SMOC2: variants seen among roughly 807,000 people sequenced by gnomAD.
SMOC2 encodes the protein SPARC related modular calcium binding 2, also known as SPARC-related modular calcium-binding protein 2.
A neutral mutation model predicts 61.4 loss-of-function variants in SMOC2; 39 were observed. That is an observed-to-expected ratio of 0.64 (90% CI 0.49 to 0.83). The LOEUF (loss-of-function observed/expected upper bound fraction) is 0.83. Among genes scored for constraint, SMOC2 ranks in the 40% least tolerant of loss-of-function variants. The pLI, the probability that SMOC2 is intolerant of heterozygous loss-of-function variation, is 0.00. For synonymous variants in SMOC2, 247 were observed against 239.9 expected (o/e 1.03, Z -0.27); for missense variants, 556 against 592.9 (o/e 0.94, Z 0.65).
At chr6:168,493,631 G>A (rs1467381053) in intron 1 of SMOC2, among the ~76,000 whole-genome samples, 1 of 152,238 alleles carries the variant, frequency 6.6e-6, no homozygotes, top group African/African-American at 2.4e-5. Context: ...TAATAGTATT[G>A]CAACTTAAAA....
chr6:168,543,718 C>G (rs1192370432), intron 5 of SMOC2, 46 bp downstream of exon 5: 2 of 1,542,240 alleles, frequency 1.3e-6, no homozygotes. Flanking sequence ...TAACATCTAA[C>G]TTATCCCGTG....
At chr6:168,463,204 T>C (rs1261533486) in intron 1 of SMOC2, among the ~76,000 whole-genome samples, 3 of 152,194 alleles carry the variant, frequency 2.0e-5, no homozygotes, top group Non-Finnish European at 2.9e-5. Context: ...AAGTGCAGAA[T>C]TGTCTTCCTA....
chr6:168,664,535 T>A (rs1787608137), intron 12 of SMOC2: 1 of 385,924 alleles, frequency 2.6e-6, no homozygotes, highest in South Asian at 2.0e-5. Flanking sequence ...AGCAATTGTC[T>A]GAGTGTTTGT....
rs561579485 is a variant in SMOC2, at chr6:168,587,808, C to T, written c.638-11010C>T. Among the ~76,000 whole-genome samples, 16 of 152,240 alleles carry T rather than the reference C, an allele frequency of 1.1e-4. No homozygotes were observed. The South Asian group carries it at 2.3e-3, about 22-fold the overall frequency. On this transcript the variant is annotated intron_variant, in intron 7 of 12. Coordinates refer to ENST00000356284, the MANE Select transcript of SMOC2 (RefSeq NM_001166412.2). ...GGAATAAACTGAGGGGCAGGTTTGC[C>T]GAACACAGTTCCTGGCTTGACTTCC...
intron 1 of SMOC2, among the ~76,000 whole-genome samples, chr6:168,492,292 T>A (rs1285159038): frequency 6.6e-6 from 1 of 152,208 alleles, no homozygotes; most frequent in Non-Finnish European, 1.5e-5. Context: ...CACACACACA[T>A]GCATGATGCT....
chr6:168,649,731 G>A (rs1787144377), intron 9 of SMOC2, among the ~76,000 whole-genome samples: 1 of 152,282 alleles, frequency 6.6e-6, no homozygotes, highest in South Asian at 2.1e-4. Context: ...TCTTGCATTT[G>A]CTTATTGATC....
chr6:168,478,184 G>A lies in SMOC2; in HGVS notation c.85-31731G>A, dbSNP rs983586972. Among the ~76,000 whole-genome samples, 9 of 152,134 alleles carry A rather than the reference G, an allele frequency of 5.9e-5. No individual in the cohort carries two copies. The South Asian group carries it at 6.2e-4, about 10-fold the overall frequency. ...GGGTGATGTACAAGAGTCCTGGGCC[G>A]TAGTTCCTGGCCTTAAAGACCTAAA... On this transcript the variant is annotated intron_variant, in intron 1 of 12. Coordinates refer to ENST00000356284, the MANE Select transcript of SMOC2 (RefSeq NM_001166412.2).
At chr6:168,457,651 AGCCCCG>A (rs1781617186) in intron 1 of SMOC2, among the ~76,000 whole-genome samples, 1 of 152,144 alleles carries the variant, frequency 6.6e-6, no homozygotes, top group African/African-American at 2.4e-5. Flanking sequence ...CACTCGCTGC[AGCCCCG>A]GCCCAGACCC....
At chr6:168,472,463 T>G (rs896182060) in intron 1 of SMOC2, among the ~76,000 whole-genome samples, 5 of 151,808 alleles carry the variant, frequency 3.3e-5, no homozygotes, top group African/African-American at 1.2e-4. Flanking sequence ...ACACTGCAAT[T>G]AACAATTTTT....
intron 1 of SMOC2, among the ~76,000 whole-genome samples, chr6:168,458,908 G>A (rs573648364): frequency 1.3e-5 from 2 of 152,196 alleles, no homozygotes; most frequent in Non-Finnish European, 2.9e-5. Flanking sequence ...TATTAACTGT[G>A]TGTTGGAAAA....
Position 168,526,453 on chromosome 6 carries a change from G to A in SMOC2, c.363+1G>A. On this transcript the variant is annotated splice_donor_variant, in intron 3 of 12. Coordinates refer to ENST00000356284, the MANE Select transcript of SMOC2 (RefSeq NM_001166412.2). LOFTEE classifies it high-confidence loss of function. ...CAATGACGACGGCACCTACAGTCAG[G>A]TTACCGGCCTTGCTTGGGAGGTTCT... 1 of 1,613,674 alleles carries A rather than the reference G, an allele frequency of 6.2e-7. No individual in the cohort carries two copies. The highest frequency in any genetic ancestry group is 1.3e-5 in the African/African-American group (1 of 75,044).
At chr6:168,629,669 A>T (rs1457539035) in intron 9 of SMOC2, among the ~76,000 whole-genome samples, 1 of 152,208 alleles carries the variant, frequency 6.6e-6, no homozygotes, top group Non-Finnish European at 1.5e-5. Flanking sequence ...TCATCAAGGA[A>T]TGAAATGGAC....
At chr6:168,519,548 G>A (rs1311662357) in intron 2 of SMOC2, among the ~76,000 whole-genome samples, 1 of 152,270 alleles carries the variant, frequency 6.6e-6, no homozygotes, top group South Asian at 2.1e-4. Flanking sequence ...CTTCGGTCTC[G>A]TGTGCAGCCG....
At chr6:168,465,431 C>T (rs1781805711) in intron 1 of SMOC2, among the ~76,000 whole-genome samples, 1 of 149,304 alleles carries the variant, frequency 6.7e-6, no homozygotes, top group African/African-American at 2.5e-5. Flanking sequence ...AACTTAGGAA[C>T]ACACAGTTCT....
chr6:168,493,783 C>G (rs1782523797), intron 1 of SMOC2, among the ~76,000 whole-genome samples: 1 of 152,066 alleles, frequency 6.6e-6, no homozygotes, highest in Non-Finnish European at 1.5e-5. Context: ...TTTTTCTTTT[C>G]TTAGTTAAAT....
chr6:168,454,044 C>T (rs770728434), intron 1 of SMOC2, among the ~76,000 whole-genome samples: 2 of 152,004 alleles, frequency 1.3e-5, no homozygotes, highest in Non-Finnish European at 2.9e-5. Flanking sequence ...TCTTTCTGTC[C>T]ATCTCTGTAC....
At chr6:168,512,224 A>G (rs1357207546) in intron 2 of SMOC2, among the ~76,000 whole-genome samples, 2 of 152,036 alleles carry the variant, frequency 1.3e-5, no homozygotes, top group African/African-American at 4.8e-5. Context: ...CTCCTGTGGG[A>G]AATGGAAAGA....
chr6:168,451,144 G>A (rs966229239), intron 1 of SMOC2, among the ~76,000 whole-genome samples: 6 of 152,306 alleles, frequency 3.9e-5, no homozygotes, highest in African/African-American at 1.4e-4. Context: ...AAGCCCAGGA[G>A]AGCTGAATAC....
At chr6:168,494,176 G>A (rs763626576) in intron 1 of SMOC2, among the ~76,000 whole-genome samples, 3 of 152,052 alleles carry the variant, frequency 2.0e-5, no homozygotes, top group Non-Finnish European at 4.4e-5. Flanking sequence ...CCTTCTACAC[G>A]CTCTGAGTGC....
Sources: gnomAD v4.1 joint callset for allele counts (sites outside exome capture counted in the v4.1 genomes callset) on GRCh38, gnomAD v4.1.1 for gene constraint, MANE v1.5 for transcripts, NCBI Gene and HGNC (gene_info 2026-07-23, HGNC 2026-07-21) for gene names.